FGR: variants seen among roughly 807,000 people sequenced by gnomAD.
The protein encoded by FGR is FGR proto-oncogene, Src family tyrosine kinase.
FGR carries 26 observed loss-of-function variants against 63.2 expected under a neutral mutation model. The observed-to-expected ratio is 0.41, with a 90% CI of 0.30 to 0.57. The LOEUF (loss-of-function observed/expected upper bound fraction) is 0.57. Among genes scored for constraint, FGR ranks in the 20% least tolerant of loss-of-function variants. The probability of loss-of-function intolerance (pLI) is 0.27; values close to 1 mark genes in which losing one functional copy is unlikely to be tolerated. For synonymous variants in FGR, 286 were observed against 277.7 expected, an observed-to-expected ratio of 1.03 and a Z score of -0.30; for missense variants, 511 against 690.8, an observed-to-expected ratio of 0.74 and a Z score of 2.92.
In FGR at chr1:27,613,203, C is replaced by T. The variant is rs1238383126; in HGVS notation, c.1381+16G>A. The T allele has an allele frequency of 1.2e-6, 2 of 1,612,008 alleles. No homozygotes were observed. The highest frequency in any genetic ancestry group is 2.2e-5 in the East Asian group (1 of 44,824). On this transcript the variant is annotated intron_variant, in intron 12 of 12. Transcript: ENST00000374005. Reference sequence around the variant, plus strand: ...TGACCATCCCCCACCCCAGCCCTACCCCTGGCGAGGCAAACCTGGGTAGGG... The same window carrying T: ...TGACCATCCCCCACCCCAGCCCTACTCCTGGCGAGGCAAACCTGGGTAGGG...
Position 27,617,350 on chromosome 1 carries a change from G to A in FGR, c.429-54C>T. 1 of 1,303,818 alleles carries A rather than the reference G, an allele frequency of 7.7e-7. No homozygotes were observed. Among genetic ancestry groups the A allele is most frequent in the Non-Finnish European group, 1.1e-6 (1 of 900,498 alleles). The allele number at this position is 1,303,818 out of a possible 1,614,324, so 80.8% of individuals were successfully genotyped here. A position where few individuals can be genotyped will look rare whatever the true frequency, so the allele number is the denominator to read the frequency against. ...TACGCTCTGCTCAAACCTCACCTCAGCCTCCTGCACAGTCACCTCACAAGC... is the reference window on the plus strand; with the variant it reads ...TACGCTCTGCTCAAACCTCACCTCAACCTCCTGCACAGTCACCTCACAAGC... On this transcript the variant is annotated intron_variant, in intron 5 of 12. Coordinates refer to ENST00000374005, the MANE Select transcript of FGR (RefSeq NM_005248.3). This position sits in a 1 kb window ranked among gnomAD's most constrained non-coding sequence, Gnocchi z 4.5.
At chr1:27,623,386 C>G in intron 3 of FGR, 1 of 596,834 alleles carries the variant, frequency 1.7e-6, no homozygotes, top group Non-Finnish European at 3.0e-6. Context: ...TCCTCTTCCC[C>G]ACCAAGAAGA....
chr1:27,624,360 C>G (rs2148529328), intron 2 of FGR, among the ~76,000 whole-genome samples: 1 of 149,310 alleles, frequency 6.7e-6, no homozygotes, highest in African/African-American at 2.6e-5. Context: ...CTCAGCCTCC[C>G]AAGAACTGGG....
At chr1:27,634,020 A>G (rs1264441304) in intron 1 of FGR, among the ~76,000 whole-genome samples, 5 of 152,224 alleles carry the variant, frequency 3.3e-5, no homozygotes, top group Non-Finnish European at 4.4e-5. Flanking sequence ...AGGTCTCTCA[A>G]ACAGCAGATC....
chr1:27,633,323 G>A (rs2090132866), intron 1 of FGR, among the ~76,000 whole-genome samples: 1 of 152,134 alleles, frequency 6.6e-6, no homozygotes. Context: ...TGGGAACAGG[G>A]TCCTGCTCTC....
Position 27,612,801 on chromosome 1 carries a change from G to T in FGR, c.*113C>A. ...TGGTGTCAGAGCAGCCACGTCCTCG[G>T]TGATGCTAGGACTCTATGGGGTTCT... On this transcript the variant is annotated 3_prime_UTR_variant, in exon 13 of 13. Coordinates refer to ENST00000374005, the MANE Select transcript of FGR (RefSeq NM_005248.3). 2.0e-6 allele frequency: 2 copies of T among 986,016 alleles called. No individual in the cohort carries two copies. The highest frequency in any genetic ancestry group is 3.0e-6 in the Non-Finnish European group (2 of 668,264). The allele number at this position is 986,016 out of a possible 1,614,324, so 61.1% of individuals were successfully genotyped here.
rs781124834 is a variant in FGR, at chr1:27,615,650, G to A, written c.839-37C>T. 1 of 1,594,402 alleles carries A rather than the reference G, an allele frequency of 6.3e-7. No homozygotes were observed. The highest frequency in any genetic ancestry group is 8.6e-7 in the Non-Finnish European group (1 of 1,164,668). ...CTGTCTTGTCAGGACCCTCTCCCCC[G>A]AGCCCAGGCCCTCGTCCCGGCCCCC... On this transcript the variant is annotated intron_variant, in intron 8 of 12. Transcript: ENST00000374005. The surrounding 1 kb of genome is among the most constrained non-coding windows in gnomAD (Gnocchi z 7.6).
At chr1:27,631,351 AC>A (rs1001472068) in intron 1 of FGR, among the ~76,000 whole-genome samples, 1 of 152,044 alleles carries the variant, frequency 6.6e-6, no homozygotes, top group African/African-American at 2.4e-5. Flanking sequence ...GGACATAGGA[AC>A]CCCAGGTCCA....
intron 4 of FGR, among the ~76,000 whole-genome samples, chr1:27,622,179 G>T (rs919098485): frequency 1.7e-4 from 26 of 151,766 alleles, no homozygotes; most frequent in African/African-American, 5.6e-4. Context: ...CAGGCTTGGT[G>T]GCTCTTGCCT....
chr1:27,622,232 T>C (rs2089941965), intron 4 of FGR, among the ~76,000 whole-genome samples: 1 of 138,916 alleles, frequency 7.2e-6, no homozygotes, highest in Admixed American at 8.2e-5. Context: ...GGGGTTACAG[T>C]GAGCCAAGAT....
Position 27,617,077 on chromosome 1 carries a change from G to A in FGR, c.533-71C>T. The A allele has an allele frequency of 1.2e-6, 2 of 1,606,102 alleles. No individual in the cohort carries two copies. Among genetic ancestry groups the A allele is most frequent in the South Asian group, 1.1e-5 (1 of 90,864 alleles). On this transcript the variant is annotated intron_variant, in intron 6 of 12. Coordinates refer to ENST00000374005, the MANE Select transcript of FGR (RefSeq NM_005248.3). This position sits in a 1 kb window ranked among gnomAD's most constrained non-coding sequence, Gnocchi z 4.5. Reference sequence around the variant, plus strand: ...TCTGGGAGCTGGGAGAGGCCCGACAGCAGCATCCCTAGGACCTGGTCCCAG... The same window carrying A: ...TCTGGGAGCTGGGAGAGGCCCGACAACAGCATCCCTAGGACCTGGTCCCAG...
rs945553067 is a variant in FGR, at chr1:27,613,324, C to T, written c.1276G>A (p.Ala426Thr). 6.2e-7 allele frequency: 1 copy of T among 1,613,966 alleles called. No homozygotes were observed. The highest frequency in any genetic ancestry group is 1.3e-5 in the African/African-American group (1 of 74,920). The change falls in exon 12 of 13, where the codon GCC becomes ACC. Residue 426 changes from alanine (A) to threonine (T), a missense_variant. Transcript: ENST00000374005. Reference sequence around the variant, plus strand: ...CTGCCAAAGAGGGCAGCTTCTGGGGCTGTCCACTTGATGGGGAACTTGGAA... The same window carrying T: ...CTGCCAAAGAGGGCAGCTTCTGGGGTTGTCCACTTGATGGGGAACTTGGAA... ...QGSKFPIKWT[A>T]PEAALFGRFT...
intron 2 of FGR, among the ~76,000 whole-genome samples, chr1:27,624,258 C>T (rs2089982045): frequency 1.3e-5 from 2 of 152,162 alleles, no homozygotes; most frequent in African/African-American, 2.4e-5. Flanking sequence ...TGTTTTGAGA[C>T]AAGATCTCAC....
chr1:27,615,855 GGTCATGAA>G lies in FGR; in HGVS notation c.683-19_683-12del. On this transcript the variant is annotated splice_polypyrimidine_tract_variant and intron_variant, in intron 7 of 12. Coordinates refer to ENST00000374005, the MANE Select transcript of FGR (RefSeq NM_005248.3). This position sits in a 1 kb window ranked among gnomAD's most constrained non-coding sequence, Gnocchi z 7.6. ...GCCCGTCATTCACCTCTAGGGGAGGGGTCATGAAGTAGAGTCACAGGTGGGCCAGGACA... is the reference window on the plus strand; with the variant it reads ...GCCCGTCATTCACCTCTAGGGGAGGGGTAGAGTCACAGGTGGGCCAGGACA... 1 of 1,568,646 alleles carries G rather than the reference GGTCATGAA, an allele frequency of 6.4e-7. No homozygotes were observed. Among genetic ancestry groups the G allele is most frequent in the South Asian group, 1.2e-5 (1 of 85,810 alleles).
In FGR at chr1:27,616,210, C is replaced by T. The variant is rs1482551009; in HGVS notation, c.683-366G>A. ...ATGAGGCCCACGGTCTTCCGTGGAC[C>T]TCATCCTTGGCATAACCAATCAAGG... On this transcript the variant is annotated intron_variant, in intron 7 of 12. Coordinates refer to ENST00000374005, the MANE Select transcript of FGR (RefSeq NM_005248.3). This position sits in a 1 kb window ranked among gnomAD's most constrained non-coding sequence, Gnocchi z 4.3. Among the ~76,000 whole-genome samples the T allele has an allele frequency of 1.3e-5, 2 of 152,184 alleles. No homozygotes were observed.
At position 27,613,073 on chromosome 1, in the gene FGR, C is replaced by T. The variant is rs1046195142; in HGVS notation, c.1431G>A (p.Met477Ile). 2 of 1,614,204 alleles carry T rather than the reference C, an allele frequency of 1.2e-6. No individual in the cohort carries two copies. Among genetic ancestry groups the T allele is most frequent in the Non-Finnish European group, 1.7e-6 (2 of 1,180,032 alleles). The change falls in exon 13 of 13, where the codon ATG becomes ATA. Residue 477 changes from methionine to isoleucine, a missense_variant. Met to Ile is a conservative substitution (Grantham distance 10). Coordinates refer to ENST00000374005, the MANE Select transcript of FGR (RefSeq NM_005248.3). ...ATGCTGGGCAGCCTGGAGGGCACGG[C>T]ATGTGGTAGCCCTGCTCCACCTGTT... is the stretch of plus-strand genomic sequence containing the variant. Reference protein sequence around the residue: ...VLEQVEQGYHMPCPPGCPASL... With the variant: ...VLEQVEQGYHIPCPPGCPASL...
In FGR at chr1:27,614,847, T is replaced by A. The variant is rs763837829; in HGVS notation, c.1095+3A>T. On this transcript the variant is annotated splice_donor_region_variant and intron_variant, in intron 10 of 12. Transcript: ENST00000374005. The stretch of plus-strand genomic sequence containing the variant: ...GGGAGGTAAAGGCTGCTGGCCCAGT[T>A]ACCTGGGCTGCCATGTCCACCAATT... The A allele has an allele frequency of 3.2e-5, 50 of 1,585,412 alleles. No homozygotes were observed. The highest frequency in any genetic ancestry group is 4.3e-5 in the Non-Finnish European group (50 of 1,163,908).
intron 1 of FGR, among the ~76,000 whole-genome samples, chr1:27,634,329 C>A (rs2090148028): frequency 1.3e-5 from 2 of 152,160 alleles, no homozygotes; most frequent in African/African-American, 2.4e-5. Flanking sequence ...CCCGGAGAGG[C>A]CTGTCCCTGC....
Position 27,614,921 on chromosome 1 carries a change from A to G in FGR, c.1024T>C (p.Leu342=), listed in dbSNP as rs1571379185. ...IVTEFMCHGS[L]LDFLKNPEGQ... The stretch of plus-strand genomic sequence containing the variant: ...TCTGGGTTCTTGAGAAAATCCAGCA[A>G]GCTGCCTGGGAAGAAGCCAGAAAGT... The change falls in exon 10 of 13, where the codon TTG becomes CTG. Residue 342 remains leucine, a synonymous_variant. Coordinates refer to ENST00000374005, the MANE Select transcript of FGR (RefSeq NM_005248.3). The G allele has an allele frequency of 6.3e-7, 1 of 1,597,108 alleles. No individual in the cohort carries two copies. The highest frequency in any genetic ancestry group is 8.5e-7 in the Non-Finnish European group (1 of 1,170,486).
Sources: allele counts gnomAD v4.1 joint callset (sites outside exome capture counted in the v4.1 genomes callset), GRCh38; gene constraint gnomAD v4.1.1; non-coding constraint Gnocchi (gnomAD v3.1); transcripts MANE v1.5; gene names NCBI Gene and HGNC (gene_info 2026-07-23, HGNC 2026-07-21).